ITK: variants seen among roughly 807,000 people sequenced by gnomAD.
ITK encodes IL2 inducible T cell kinase, also known as tyrosine-protein kinase ITK/TSK.
Under a neutral mutation model 87.6 loss-of-function variants are expected in ITK, and 45 were observed. The observed-to-expected ratio is 0.51, with a 90% CI of 0.40 to 0.66. The LOEUF (loss-of-function observed/expected upper bound fraction) is 0.66, where lower values mean the gene tolerates loss of function less well. ITK is among the 30% of genes least tolerant of loss of function. The probability of loss-of-function intolerance (pLI) is 0.00; values close to 1 mark genes in which losing one functional copy is unlikely to be tolerated. For missense variants in ITK, 605 were observed against 766.3 expected (o/e 0.79, Z 2.48); for synonymous variants, 303 against 273.6 (o/e 1.11, Z -1.06).
intron 1 of ITK, among the ~76,000 whole-genome samples, chr5:157,185,743 G>A (rs2113735624): frequency 6.6e-6 from 1 of 151,922 alleles, no homozygotes; most frequent in African/African-American, 2.4e-5. Context: ...ACACAGGAGG[G>A]TGAGGTGGGA....
intron 1 of ITK, among the ~76,000 whole-genome samples, chr5:157,187,985 G>A (rs1462471064): frequency 2.0e-5 from 3 of 151,988 alleles, no homozygotes; most frequent in Non-Finnish European, 4.4e-5. Context: ...AAAATTTATA[G>A]AGACAGGGTC....
At chr5:157,203,184 G>A (rs1247979247) in intron 1 of ITK, among the ~76,000 whole-genome samples, 2 of 152,160 alleles carry the variant, frequency 1.3e-5, no homozygotes, top group African/African-American at 4.8e-5. Flanking sequence ...TGTTTTGTCT[G>A]CCTTCCCAAG....
At chr5:157,197,022 T>A (rs751704346) in intron 1 of ITK, among the ~76,000 whole-genome samples, 1 of 152,176 alleles carries the variant, frequency 6.6e-6, no homozygotes, top group Non-Finnish European at 1.5e-5. Flanking sequence ...TGCTCCCTTT[T>A]GTAAGAAAAT....
intron 10 of ITK, chr5:157,241,416 C>A (rs1402859332): frequency 4.9e-6 from 2 of 409,176 alleles, no homozygotes; most frequent in African/African-American, 4.0e-5. Context: ...TATATATCTT[C>A]TATTAGCAAG....
intron 13 of ITK, chr5:157,244,977 G>C: frequency 5.5e-6 from 1 of 183,354 alleles, no homozygotes; most frequent in Non-Finnish European, 1.2e-5. Flanking sequence ...TGTACTCCCA[G>C]CACTTTGGGA....
chr5:157,208,216 A>G (rs932895631), intron 1 of ITK, among the ~76,000 whole-genome samples: 3 of 152,258 alleles, frequency 2.0e-5, no homozygotes, highest in African/African-American at 7.2e-5. Flanking sequence ...ATCCTTAGAA[A>G]TAGGTAACAT....
chr5:157,239,974 A>G (rs1226528857), intron 9 of ITK, 88 bp from the exon 10 acceptor site: 1 of 1,308,482 alleles, frequency 7.6e-7, no homozygotes, highest in African/African-American at 1.5e-5. Flanking sequence ...TATAAGACAA[A>G]GATAATAAGA....
At position 157,209,866 on chromosome 5, in the gene ITK, A is replaced by G. The variant is rs74701493; in HGVS notation, c.243+873A>G. 4.9e-3 allele frequency among the ~76,000 whole-genome samples: 739 copies of G among 152,236 alleles called. 9 individuals are homozygous for G. Among genetic ancestry groups the G allele is most frequent in the African/African-American group, 0.017 (696 of 41,524 alleles). ...CATTTCACATGTTCAATAGCAGGAC[A>G]TGGCTGGCAGCTACTGTACTGAAAC... is the stretch of plus-strand genomic sequence containing the variant. On this transcript the variant is annotated intron_variant, in intron 2 of 16. Coordinates refer to ENST00000422843, the MANE Select transcript of ITK (RefSeq NM_005546.4).
chr5:157,249,250 A>G (rs1433224055), intron 16 of ITK, among the ~76,000 whole-genome samples: 1 of 152,250 alleles, frequency 6.6e-6, no homozygotes, highest in Non-Finnish European at 1.5e-5. Context: ...ATAGCTTCAG[A>G]GAGGAGGATG....
Position 157,181,132 on chromosome 5 carries a change from A to ATT in ITK, c.138+19_138+20dup, listed in dbSNP as rs766419332. 2.2e-5 allele frequency: 36 copies of ATT among 1,613,794 alleles called. No individual in the cohort carries two copies. The highest frequency in any genetic ancestry group is 5.1e-6 in the Non-Finnish European group (6 of 1,179,786). On this transcript the variant is annotated intron_variant, in intron 1 of 16. Transcript: ENST00000422843. Reference sequence around the variant, plus strand: ...CGTCATGGGGTATGTGAGCAGTTTCATTTGTCTTTTTTCGCATAGCATTTT... The same window carrying ATT: ...CGTCATGGGGTATGTGAGCAGTTTCATTTTTGTCTTTTTTCGCATAGCATTTT...
chr5:157,238,221 GA>G (rs775449466), intron 9 of ITK, 30 bp downstream of exon 9: 17 of 1,509,222 alleles, frequency 1.1e-5, no homozygotes, highest in Non-Finnish European at 1.5e-5. Flanking sequence ...CAGCAAAGTG[GA>G]GAGAAACACT....
chr5:157,212,270 G>A (rs1302163062), intron 3 of ITK, among the ~76,000 whole-genome samples: 3 of 152,202 alleles, frequency 2.0e-5, no homozygotes, highest in Non-Finnish European at 4.4e-5. Flanking sequence ...TGAAGCACTG[G>A]ATGTGTCAGA....
chr5:157,228,269 T>C (rs1376491453), intron 6 of ITK, 27 bp from the exon 7 acceptor site: 1 of 1,409,092 alleles, frequency 7.1e-7, no homozygotes. Context: ...TCTATGTAAG[T>C]CTAAACATTA....
rs887874727 is a variant in ITK at position 157,254,283 on chromosome 5, C to A, written c.*1605C>A. On this transcript the variant is annotated 3_prime_UTR_variant, in exon 17 of 17. Coordinates refer to ENST00000422843, the MANE Select transcript of ITK (RefSeq NM_005546.4). ...GATTTTCCTTTTCCTATTCTGTATC[C>A]TTACCTTGGTCATGTTAATGACTTT... 2.6e-5 allele frequency: 6 copies of A among 228,254 alleles called. No individual in the cohort carries two copies. The highest frequency in any genetic ancestry group is 1.3e-4 in the African/African-American group (6 of 45,070). The allele number at this position is 228,254 out of a possible 1,614,324, so 14.1% of individuals were successfully genotyped here.
chr5:157,209,927 ATT>A (rs34236243), intron 2 of ITK, among the ~76,000 whole-genome samples: 11 of 144,346 alleles, frequency 7.6e-5, no homozygotes, highest in East Asian at 2.0e-4. Context: ...CACTGCAGAA[ATT>A]TTTTTTTTTT....
At chr5:157,239,975 GATA>G in intron 9 of ITK, 84 bp from the exon 10 acceptor site, 1 of 1,318,594 alleles carries the variant, frequency 7.6e-7, no homozygotes, top group Non-Finnish European at 1.1e-6. Context: ...ATAAGACAAA[GATA>G]ATAAGAACTT....
At chr5:157,183,275 C>T (rs896567275) in intron 1 of ITK, among the ~76,000 whole-genome samples, 8 of 152,084 alleles carry the variant, frequency 5.3e-5, no homozygotes, top group African/African-American at 1.7e-4. Context: ...TAATATTACT[C>T]ATAAGTAAAT....
intron 16 of ITK, 148 bp downstream of exon 16, chr5:157,249,155 A>G: frequency 1.3e-6 from 1 of 753,546 alleles, no homozygotes; most frequent in South Asian, 1.5e-5. Flanking sequence ...GGATCTGTTA[A>G]CGGGATAGAT....
rs1753638474 is a variant in ITK at position 157,186,211 on chromosome 5, C to A, written c.138+5096C>A. Reference sequence around the variant, plus strand: ...ACACAGTATGCAATACATTCTTGCTCTGAAGTCCCCAGTGTAAAGGACAGT... The same window carrying A: ...ACACAGTATGCAATACATTCTTGCTATGAAGTCCCCAGTGTAAAGGACAGT... On this transcript the variant is annotated intron_variant, in intron 1 of 16. Transcript: ENST00000422843. Among the ~76,000 whole-genome samples, 3 of 152,140 alleles carry A rather than the reference C, an allele frequency of 2.0e-5. No individual in the cohort carries two copies. The South Asian group carries it at 6.2e-4, about 32-fold the overall frequency.
Sources: allele counts gnomAD v4.1 joint callset (sites outside exome capture counted in the v4.1 genomes callset), GRCh38; gene constraint gnomAD v4.1.1; transcripts MANE v1.5; gene names NCBI Gene and HGNC (gene_info 2026-07-23, HGNC 2026-07-21).